Variants in KAT6B observed in about 807,000 individuals in gnomAD.
KAT6B encodes the protein lysine acetyltransferase 6B.
Under a neutral mutation model 187.5 loss-of-function variants are expected in KAT6B, and 10 were observed. That is an observed-to-expected ratio of 0.05 (90% CI 0.03 to 0.09). The LOEUF is 0.09. KAT6B is among the 10% of genes least tolerant of loss of function. KAT6B has a pLI of 1.00. For missense variants in KAT6B, 1,952 were observed against 2,558.9 expected, an observed-to-expected ratio of 0.76 and a Z score of 5.12; for synonymous variants, 861 against 926.8, an observed-to-expected ratio of 0.93 and a Z score of 1.29.
At chr10:74,884,990 A>G (rs1237718706) in intron 3 of KAT6B, among the ~76,000 whole-genome samples, 1 of 152,198 alleles carries the variant, frequency 6.6e-6, no homozygotes, top group Non-Finnish European at 1.5e-5. Flanking sequence ...ACATGTGGCT[A>G]TTGAGCACTT....
At chr10:74,838,023 T>C (rs1589443738) in intron 1 of KAT6B, among the ~76,000 whole-genome samples, 1 of 152,166 alleles carries the variant, frequency 6.6e-6, no homozygotes, top group Non-Finnish European at 1.5e-5. Context: ...GGATCCAAGG[T>C]TGCTTGATTG....
At chr10:75,002,278 A>G (rs1341169295) in intron 13 of KAT6B, among the ~76,000 whole-genome samples, 2 of 151,994 alleles carry the variant, frequency 1.3e-5, no homozygotes, top group Non-Finnish European at 2.9e-5. Context: ...AGGCCCCACA[A>G]ACAAGCCTCA....
intron 3 of KAT6B, among the ~76,000 whole-genome samples, chr10:74,855,991 T>G (rs1842794710): frequency 6.6e-6 from 1 of 152,232 alleles, no homozygotes; most frequent in Non-Finnish European, 1.5e-5. Context: ...AAAAATGTTC[T>G]CTTATATACT....
At position 74,842,846 on chromosome 10, in the gene KAT6B, C is replaced by A; in HGVS notation, c.-12C>A. The A allele has an allele frequency of 1.2e-6, 2 of 1,613,710 alleles. No homozygotes were observed. The highest frequency in any genetic ancestry group is 2.2e-5 in the South Asian group (2 of 91,052). On this transcript the variant is annotated 5_prime_UTR_variant, in exon 3 of 18. Transcript: ENST00000287239. ...TGGGTAACTTTTGTGTTGAAGAAGT[C>A]ATTTGTCAACCATGGTAAAACTTGC...
At position 74,897,463 on chromosome 10, in the gene KAT6B, A is replaced by G. The variant is rs1320760809; in HGVS notation, c.621+53985A>G. 2.6e-5 allele frequency among the ~76,000 whole-genome samples: 4 copies of G among 152,340 alleles called. No homozygotes were observed. The East Asian group carries it at 7.7e-4, about 29-fold the overall frequency. On this transcript the variant is annotated intron_variant, in intron 3 of 17. Coordinates refer to ENST00000287239, the MANE Select transcript of KAT6B (RefSeq NM_012330.4). The stretch of plus-strand genomic sequence containing the variant: ...GTGCCCTCTCCACTGTGGGGGCCAC[A>G]GTGGTAGGCACAACCCTTATCCCTC...
chr10:74,985,095 A>G lies in KAT6B; in HGVS notation c.2389A>G (p.Ser797Gly), dbSNP rs1250801897. Reference sequence around the variant, plus strand: ...TTTTTGCTAGGTTGATGGGAATATGAGCAAAATTTATTGCCAAAACCTTTG... The same window carrying G: ...TTTTTGCTAGGTTGATGGGAATATGGGCAAAATTTATTGCCAAAACCTTTG... ...LSVFEVDGNMSKIYCQNLCLL... is the reference protein window; with the variant it reads ...LSVFEVDGNMGKIYCQNLCLL... Residue 797 changes from serine to glycine, a missense_variant, in exon 12 of 18, where the codon AGC becomes GGC. Ser to Gly is a moderately conservative substitution (Grantham distance 56). Around this residue, in one of 9 missense-constraint regions of KAT6B, gnomAD observed 87 missense variants for 191.8 expected, o/e 0.45. Transcript: ENST00000287239. The G allele has an allele frequency of 1.9e-6, 3 of 1,614,104 alleles. No homozygotes were observed. The highest frequency in any genetic ancestry group is 1.7e-5 in the Admixed American group (1 of 60,030).
chr10:75,021,664 A>G (rs776404002), intron 15 of KAT6B, among the ~76,000 whole-genome samples: 4 of 152,214 alleles, frequency 2.6e-5, no homozygotes, highest in Non-Finnish European at 4.4e-5. Flanking sequence ...AATTCGCTGC[A>G]TCATTAATAC....
At chr10:74,920,872 A>G (rs910566257) in intron 3 of KAT6B, among the ~76,000 whole-genome samples, 3 of 152,118 alleles carry the variant, frequency 2.0e-5, no homozygotes, top group Admixed American at 6.5e-5. Flanking sequence ...GATGGCCCCA[A>G]TTAGACTAAC....
chr10:74,980,891 A>G (rs1191223113), intron 10 of KAT6B, among the ~76,000 whole-genome samples: 4 of 152,230 alleles, frequency 2.6e-5, no homozygotes, highest in South Asian at 2.1e-4. Context: ...CATTTAGACC[A>G]TATATAAATC....
At chr10:74,982,188 C>A in intron 11 of KAT6B, 1 of 435,478 alleles carries the variant, frequency 2.3e-6, no homozygotes, top group Admixed American at 3.6e-5. Context: ...TAGATATATT[C>A]ACCATGAATT....
At chr10:74,928,461 T>C (rs1848647406) in intron 3 of KAT6B, among the ~76,000 whole-genome samples, 1 of 152,210 alleles carries the variant, frequency 6.6e-6, no homozygotes, top group African/African-American at 2.4e-5. Flanking sequence ...ATTTTAGTTA[T>C]AAGCGTGATG....
At chr10:75,015,865 G>A (rs1288827306) in intron 13 of KAT6B, among the ~76,000 whole-genome samples, 1 of 152,242 alleles carries the variant, frequency 6.6e-6, no homozygotes, top group Non-Finnish European at 1.5e-5. Context: ...ACACTTTGGT[G>A]TTTGAGGAGG....
At chr10:74,831,081 A>G (rs1340218179) in intron 1 of KAT6B, among the ~76,000 whole-genome samples, 1 of 151,812 alleles carries the variant, frequency 6.6e-6, no homozygotes, top group African/African-American at 2.4e-5. Context: ...GAGCCTCTGC[A>G]CCCGGCCAGC....
intron 3 of KAT6B, among the ~76,000 whole-genome samples, chr10:74,935,120 G>A (rs1004936472): frequency 7.9e-5 from 12 of 152,328 alleles, no homozygotes; most frequent in Admixed American, 2.0e-4. Flanking sequence ...AGACTCGAGC[G>A]TAACACTGAC....
chr10:74,899,328 G>A (rs1482825764), intron 3 of KAT6B, among the ~76,000 whole-genome samples: 1 of 149,864 alleles, frequency 6.7e-6, no homozygotes, highest in Non-Finnish European at 1.5e-5. Flanking sequence ...AGGCTAGAAT[G>A]CAATGGCGCG....
At chr10:74,978,020 G>A (rs1293263897) in intron 9 of KAT6B, among the ~76,000 whole-genome samples, 1 of 152,240 alleles carries the variant, frequency 6.6e-6, no homozygotes, top group African/African-American at 2.4e-5. Flanking sequence ...TCTCAAAGAC[G>A]AATCTAATAT....
chr10:74,850,095 CG>C (rs1342523793), intron 3 of KAT6B, among the ~76,000 whole-genome samples: 1 of 152,082 alleles, frequency 6.6e-6, no homozygotes, highest in African/African-American at 2.4e-5. Flanking sequence ...CCCACCACCA[CG>C]CCCGGCTAAT....
chr10:74,990,864 G>A (rs1480253995), intron 13 of KAT6B, among the ~76,000 whole-genome samples: 2 of 152,150 alleles, frequency 1.3e-5, no homozygotes, highest in African/African-American at 2.4e-5. Context: ...AATATTTAAC[G>A]TCTTCCAACA....
intron 3 of KAT6B, among the ~76,000 whole-genome samples, chr10:74,908,764 T>C (rs1846979451): frequency 6.6e-6 from 1 of 152,142 alleles, no homozygotes; most frequent in Admixed American, 6.6e-5. Flanking sequence ...TTAGATAACC[T>C]CCTGTCAGTT....
Sources: gnomAD v4.1 joint callset for allele counts (sites outside exome capture counted in the v4.1 genomes callset) on GRCh38, gnomAD v4.1.1 for gene constraint, gnomAD v4.1.1 regional missense constraint, MANE v1.5 for transcripts, NCBI Gene and HGNC (gene_info 2026-07-23, HGNC 2026-07-21) for gene names.